The following SF3A2 variants were observed in gnomAD, a reference collection of about 807,000 sequenced individuals.
The protein encoded by SF3A2 is splicing factor 3a subunit 2.
A neutral mutation model predicts 31.1 loss-of-function variants in SF3A2; 5 were observed. That is an observed-to-expected ratio of 0.16 (90% CI 0.08 to 0.34). The LOEUF is 0.34. SF3A2 is among the 10% of genes least tolerant of loss of function. The pLI is 1.00. For synonymous variants in SF3A2, 365 were observed against 263.7 expected, an observed-to-expected ratio of 1.38 and a Z score of -3.72; for missense variants, 577 against 643.9, an observed-to-expected ratio of 0.90 and a Z score of 1.13.
chr19:2,239,929 G>A (rs1373714524), intron 1 of SF3A2, among the ~76,000 whole-genome samples: 1 of 152,050 alleles, frequency 6.6e-6, no homozygotes, highest in Non-Finnish European at 1.5e-5. Flanking sequence ...GGCTTCCCCC[G>A]ATAATGAAGG....
In SF3A2 at chr19:2,243,443, G is replaced by A; in HGVS notation, c.25G>A (p.Gly9Ser). 2 of 1,553,226 alleles carry A rather than the reference G, an allele frequency of 1.3e-6. No individual in the cohort carries two copies. The highest frequency in any genetic ancestry group is 1.7e-6 in the Non-Finnish European group (2 of 1,156,016). Residue 9 changes from glycine to serine, a missense_variant, in exon 2 of 9, where the codon GGC becomes AGC. Coordinates refer to ENST00000221494, the MANE Select transcript of SF3A2 (RefSeq NM_007165.5). ...CATGGACTTCCAGCATCGCCCCGGG[G>A]GCAAGACCGGGAGCGGGGGCGTGGC... MDFQHRPG[G>S]KTGSGGVASS...
At chr19:2,244,521 G>A (rs376097503) in intron 2 of SF3A2, 23 bp from the exon 3 acceptor site, 159 of 1,604,198 alleles carry the variant, frequency 9.9e-5, no homozygotes, top group Admixed American at 2.7e-4. Context: ...TCTGTCTAAC[G>A]GGCCCCTGTT....
At position 2,248,429 on chromosome 19, in the gene SF3A2, G is replaced by T; in HGVS notation, c.1278G>T (p.Pro426=). The change falls in exon 9 of 9, where the codon CCG becomes CCT. Residue 426 remains proline (P), a synonymous_variant. Coordinates refer to ENST00000221494, the MANE Select transcript of SF3A2 (RefSeq NM_007165.5). ...CTCCTGGGGTCCACCCTCAGCCTCC[G>T]GGAGTTCACCCCTCAAATCCTGGGG... ...PSAPGVHPQP[P]GVHPSNPGVH... The T allele has an allele frequency of 7.3e-7, 1 of 1,365,234 alleles. No individual in the cohort carries two copies. The highest frequency in any genetic ancestry group is 3.0e-5 in the East Asian group (1 of 33,406). 84.6% of individuals were successfully genotyped at this position (1,365,234 alleles called of 1,614,324 possible). A position where few individuals can be genotyped will look rare whatever the true frequency, so the allele number is the denominator to read the frequency against.
In SF3A2 at chr19:2,245,034, A is replaced by C. The variant is rs1214964693; in HGVS notation, c.245+255A>C. ...ACTCCATCTCTACTAAAAATACAAA[A>C]ATTAGGCCAGGCATGGTGGCACACG... On this transcript the variant is annotated intron_variant, in intron 4 of 8. Coordinates refer to ENST00000221494, the MANE Select transcript of SF3A2 (RefSeq NM_007165.5). This position sits in a 1 kb window ranked among gnomAD's most constrained non-coding sequence, Gnocchi z 4.2. 20 of 553,236 alleles carry C rather than the reference A, an allele frequency of 3.6e-5. No individual in the cohort carries two copies. Among genetic ancestry groups the C allele is most frequent in the Middle Eastern group, 4.8e-4 (1 of 2,072 alleles). The allele number at this position is 553,236 out of a possible 1,614,324, so 34.3% of individuals were successfully genotyped here.
chr19:2,248,433 G>T lies in SF3A2; in HGVS notation c.1282G>T (p.Val428Phe). ...TGGGGTCCACCCTCAGCCTCCGGGA[G>T]TTCACCCCTCAAATCCTGGGGTGCA... ...APGVHPQPPG[V>F]HPSNPGVHPP... The change falls in exon 9 of 9, where the codon GTT becomes TTT. Residue 428 changes from valine (V) to phenylalanine (F), a missense_variant. Val to Phe is a conservative substitution (Grantham distance 50). This residue lies in a region of SF3A2 where 462 missense variants were observed against 339.1 expected (regional missense o/e 1.36). Coordinates refer to ENST00000221494, the MANE Select transcript of SF3A2 (RefSeq NM_007165.5). 1 of 1,367,688 alleles carries T rather than the reference G, an allele frequency of 7.3e-7. No individual in the cohort carries two copies. The allele number at this position is 1,367,688 out of a possible 1,614,324, so 84.7% of individuals were successfully genotyped here.
chr19:2,247,480 C>G, intron 7 of SF3A2, 114 bp from the exon 8 acceptor site: 1 of 1,053,624 alleles, frequency 9.5e-7, no homozygotes, highest in Non-Finnish European at 1.4e-6. Flanking sequence ...CAGCCTTCTC[C>G]TGGGCTCCCA....
chr19:2,238,200 T>G (rs1196624248), intron 1 of SF3A2, among the ~76,000 whole-genome samples: 1 of 152,180 alleles, frequency 6.6e-6, no homozygotes, highest in Admixed American at 6.5e-5. Flanking sequence ...ATTTTTGTAT[T>G]TTTTGTAGAG....
intron 1 of SF3A2, chr19:2,237,940 A>G (rs2024850085): frequency 1.3e-5 from 2 of 152,172 alleles, no homozygotes; most frequent in Non-Finnish European, 2.9e-5. Flanking sequence ...ACGAAAAACT[A>G]ATTCCTTCTC....
At chr19:2,247,288 A>G in intron 7 of SF3A2, 1 of 544,652 alleles carries the variant, frequency 1.8e-6, no homozygotes, top group South Asian at 2.5e-5. Flanking sequence ...AAGTGACCTC[A>G]CTTCCTGGGC....
chr19:2,247,067 G>C, intron 7 of SF3A2, 45 bp downstream of exon 7: 1 of 1,576,810 alleles, frequency 6.3e-7, no homozygotes, highest in Admixed American at 1.9e-5. Flanking sequence ...AGATGTGCAA[G>C]CCAGAAGGAT....
Position 2,248,472 on chromosome 19 carries a change from A to G in SF3A2, c.1321A>G (p.Met441Val). Reference protein sequence around the residue: ...SNPGVHPPTPMPPMLRPPLPS... With the variant: ...SNPGVHPPTPVPPMLRPPLPS... ...TCCTGGGGTGCACCCCCCAACTCCCATGCCCCCAATGCTGAGGCCCCCACT... is the reference window on the plus strand; with the variant it reads ...TCCTGGGGTGCACCCCCCAACTCCCGTGCCCCCAATGCTGAGGCCCCCACT... Residue 441 changes from methionine (M) to valine (V), a missense_variant, in exon 9 of 9, where the codon ATG becomes GTG. Around this residue, in one of 6 missense-constraint regions of SF3A2, gnomAD observed 462 missense variants for 339.1 expected, o/e 1.36. Coordinates refer to ENST00000221494, the MANE Select transcript of SF3A2 (RefSeq NM_007165.5). 1 of 987,226 alleles carries G rather than the reference A, an allele frequency of 1.0e-6. No homozygotes were observed. The highest frequency in any genetic ancestry group is 1.2e-6 in the Non-Finnish European group (1 of 806,792). The allele number at this position is 987,226 out of a possible 1,614,324, so 61.2% of individuals were successfully genotyped here.
At chr19:2,239,036 G>C (rs1196746122) in intron 1 of SF3A2, among the ~76,000 whole-genome samples, 1 of 152,216 alleles carries the variant, frequency 6.6e-6, no homozygotes, top group Non-Finnish European at 1.5e-5. Flanking sequence ...CTCATAGTTA[G>C]AAGTTTGGTG....
In SF3A2 at chr19:2,248,175, G is replaced by GGAGTCCACCCTCCAGCCCCCA; in HGVS notation, c.1025_1026insAGTCCACCCTCCAGCCCCCAG (p.Pro348_Gly349insArgValHisProProAlaPro). 1 of 1,399,274 alleles carries GGAGTCCACCCTCCAGCCCCCA rather than the reference G, an allele frequency of 7.1e-7. No individual in the cohort carries two copies. The highest frequency in any genetic ancestry group is 1.6e-5 in the African/African-American group (1 of 61,394). 86.7% of individuals were successfully genotyped at this position (1,399,274 alleles called of 1,614,324 possible). A position where few individuals can be genotyped will look rare whatever the true frequency, so the allele number is the denominator to read the frequency against. ...TCCTGGAGTCCACCCTCCAGCCCCC[G>GGAGTCCACCCTCCAGCCCCCA]GGGTTCACCCACCAGCCCCCGGAGT... On this transcript the variant is annotated inframe_insertion, in exon 9 of 9. Transcript: ENST00000221494.
At position 2,248,558 on chromosome 19, in the gene SF3A2, C is replaced by T; in HGVS notation, c.*12C>T. The T allele has an allele frequency of 1.0e-6, 1 of 972,594 alleles. No homozygotes were observed. Among genetic ancestry groups the T allele is most frequent in the Non-Finnish European group, 1.4e-6 (1 of 716,208 alleles). The allele number at this position is 972,594 out of a possible 1,614,324, so 60.2% of individuals were successfully genotyped here. On this transcript the variant is annotated 3_prime_UTR_variant, in exon 9 of 9. Transcript: ENST00000221494. ...CCCCAACCAACTGAGAAGCTGCTCC[C>T]TCCCCCAGCAAGCCCAGCGCCAGGT...
chr19:2,239,129 C>A (rs969759367), intron 1 of SF3A2, among the ~76,000 whole-genome samples: 1 of 152,174 alleles, frequency 6.6e-6, no homozygotes, highest in African/African-American at 2.4e-5. Flanking sequence ...CTTTGGGAGG[C>A]TGAGGCGGGC....
chr19:2,239,524 G>A (rs910426258), intron 1 of SF3A2, among the ~76,000 whole-genome samples: 20 of 152,090 alleles, frequency 1.3e-4, no homozygotes, highest in African/African-American at 4.6e-4. Flanking sequence ...CCTTGGTGTC[G>A]TAAAATTTCC....
At chr19:2,239,356 C>CAA (rs60571903) in intron 1 of SF3A2, among the ~76,000 whole-genome samples, 4 of 100,072 alleles carry the variant, frequency 4.0e-5, no homozygotes, top group Admixed American at 2.0e-4. Context: ...GAATCCGTCT[C>CAA]AAAAAAAAAA....
rs201058602 is a variant in SF3A2 at position 2,246,953 on chromosome 19, C to T, written c.477C>T (p.Ile159=). Residue 159 remains isoleucine, a synonymous_variant, in exon 7 of 9, where the codon ATC becomes ATT. Transcript: ENST00000221494. This position sits in a 1 kb window ranked among gnomAD's most constrained non-coding sequence, Gnocchi z 5.5. ...HRFMSAYEQR[I]EPPDRRWQYL... ...TCATGTCTGCGTACGAGCAGAGGAT[C>T]GAGCCTCCGGACCGGCGCTGGCAGT... is the stretch of plus-strand genomic sequence containing the variant. 1,155 of 1,608,654 alleles carry T rather than the reference C, an allele frequency of 7.2e-4. 3 individuals carry two copies. The highest frequency in any genetic ancestry group is 9.0e-4 in the Non-Finnish European group (1,064 of 1,178,684).
Position 2,245,920 on chromosome 19 carries a change from G to C in SF3A2, c.355+365G>C. 1 of 266,214 alleles carries C rather than the reference G, an allele frequency of 3.8e-6. No individual in the cohort carries two copies. The highest frequency in any genetic ancestry group is 7.3e-6 in the Non-Finnish European group (1 of 137,470). The allele number at this position is 266,214 out of a possible 1,614,324, so 16.5% of individuals were successfully genotyped here. On this transcript the variant is annotated intron_variant, in intron 5 of 8. Coordinates refer to ENST00000221494, the MANE Select transcript of SF3A2 (RefSeq NM_007165.5). The surrounding 1 kb of genome is among the most constrained non-coding windows in gnomAD (Gnocchi z 4.2). ...CTTGAAGCCTTTGAAGGAGGACAGG[G>C]AGAAGCGGCTGTTAGAGGCAGCTCC...
Sources: allele counts gnomAD v4.1 joint callset (sites outside exome capture counted in the v4.1 genomes callset), GRCh38; gene constraint gnomAD v4.1.1; regional missense constraint gnomAD v4.1.1; non-coding constraint Gnocchi (gnomAD v3.1); transcripts MANE v1.5; gene names NCBI Gene and HGNC (gene_info 2026-07-23, HGNC 2026-07-21).